The following UBAC2 variants were observed in gnomAD, a reference collection of about 807,000 sequenced individuals.
UBAC2 encodes ubiquitin-associated domain-containing protein 2.
UBAC2 carries 26 observed loss-of-function variants against 44.0 expected under a neutral mutation model. That is an observed-to-expected ratio of 0.59 (90% CI 0.43 to 0.82). The LOEUF is 0.82. UBAC2 is among the 40% of genes least tolerant of loss of function. The pLI, the probability that UBAC2 is intolerant of heterozygous loss-of-function variation, is 0.00. For missense variants in UBAC2, 329 were observed against 419.4 expected, an observed-to-expected ratio of 0.78 and a Z score of 1.88; for synonymous variants, 155 against 154.3, an observed-to-expected ratio of 1.00 and a Z score of -0.04.
intron 4 of UBAC2, among the ~76,000 whole-genome samples, chr13:99,262,783 T>C (rs2043686317): frequency 6.6e-6 from 1 of 150,632 alleles, no homozygotes; most frequent in Non-Finnish European, 1.5e-5. Context: ...GTTATCAGGT[T>C]ATTTAAACAT....
intron 7 of UBAC2, among the ~76,000 whole-genome samples, chr13:99,356,444 T>C (rs1337782276): frequency 6.6e-6 from 1 of 152,234 alleles, no homozygotes; most frequent in African/African-American, 2.4e-5. Flanking sequence ...ACAGGATGTA[T>C]TGTGTCTCCT....
chr13:99,238,042 A>G (rs2043258922), intron 1 of UBAC2, among the ~76,000 whole-genome samples: 1 of 152,248 alleles, frequency 6.6e-6, no homozygotes, highest in Admixed American at 6.5e-5. Flanking sequence ...GAAATTAAAA[A>G]TGTATTTTTA....
intron 6 of UBAC2, among the ~76,000 whole-genome samples, chr13:99,318,982 TACTAAA>T (rs931097007): frequency 1.3e-5 from 2 of 151,710 alleles, no homozygotes; most frequent in African/African-American, 4.8e-5. Context: ...AAGTTGGACT[TACTAAA>T]AATAAGGAGA....
chr13:99,293,305 G>A (rs549872354), intron 4 of UBAC2, among the ~76,000 whole-genome samples: 2 of 152,138 alleles, frequency 1.3e-5, no homozygotes, highest in East Asian at 1.9e-4. Flanking sequence ...GACTCCCTTA[G>A]CCCAGAGAGG....
chr13:99,223,900 G>A (rs1246592604), intron 1 of UBAC2, among the ~76,000 whole-genome samples: 1 of 151,994 alleles, frequency 6.6e-6, no homozygotes, highest in Non-Finnish European at 1.5e-5. Flanking sequence ...TTTATGCCCA[G>A]AATATAGTCT....
intron 6 of UBAC2, among the ~76,000 whole-genome samples, chr13:99,319,251 C>T (rs180887885): frequency 1.0e-3 from 157 of 152,200 alleles, no homozygotes; most frequent in African/African-American, 3.7e-3. Context: ...TATTCTTCAT[C>T]CATGACTTAA....
chr13:99,315,095 G>A (rs923473279), intron 5 of UBAC2, among the ~76,000 whole-genome samples: 1 of 152,070 alleles, frequency 6.6e-6, no homozygotes, highest in Non-Finnish European at 1.5e-5. Context: ...CCAGTCTGCT[G>A]TCATGTGTTA....
At chr13:99,239,764 A>C (rs1375111140) in intron 2 of UBAC2, among the ~76,000 whole-genome samples, 1 of 152,216 alleles carries the variant, frequency 6.6e-6, no homozygotes, top group African/African-American at 2.4e-5. Flanking sequence ...AGAGGCTCTC[A>C]GTGTGTATTC....
intron 7 of UBAC2, among the ~76,000 whole-genome samples, chr13:99,347,080 C>G (rs895591097): frequency 6.6e-6 from 1 of 151,650 alleles, no homozygotes; most frequent in African/African-American, 2.4e-5. Flanking sequence ...GAGTTTGAGA[C>G]CAGCTTGGGC....
In UBAC2 at chr13:99,295,624, C is replaced by A. The variant is rs1282933437; in HGVS notation, c.390-18473C>A. On this transcript the variant is annotated intron_variant, in intron 4 of 8. Coordinates refer to ENST00000403766, the MANE Select transcript of UBAC2 (RefSeq NM_001144072.2). The surrounding 1 kb of genome is among the most constrained non-coding windows in gnomAD (Gnocchi z 4.1). The stretch of plus-strand genomic sequence containing the variant: ...CCATGCATGTAATCCTTTCAGCCTC[C>A]TGCTTTGACATAGGGTTGATGAGGA... 5 of 1,614,020 alleles carry A rather than the reference C, an allele frequency of 3.1e-6. No individual in the cohort carries two copies. Among genetic ancestry groups the A allele is most frequent in the Admixed American group, 1.7e-5 (1 of 59,998 alleles).
intron 6 of UBAC2, among the ~76,000 whole-genome samples, 192 bp downstream of exon 6, chr13:99,318,261 G>A (rs926997360): frequency 1.3e-5 from 2 of 151,904 alleles, no homozygotes; most frequent in Non-Finnish European, 2.9e-5. Context: ...TCTGCCTCCC[G>A]GATTCGAGTG....
intron 4 of UBAC2, among the ~76,000 whole-genome samples, chr13:99,311,504 G>A (rs573145954): frequency 1.3e-5 from 2 of 152,302 alleles, no homozygotes; most frequent in South Asian, 2.1e-4. Flanking sequence ...TTAATCAGTT[G>A]TGCTTGGGTT....
At chr13:99,242,669 G>A (rs1594038171) in intron 2 of UBAC2, among the ~76,000 whole-genome samples, 2 of 1,916 alleles carry the variant, frequency 1.0e-3, no homozygotes, top group Non-Finnish European at 1.6e-3. Flanking sequence ...GGGGCGGCTG[G>A]CCGGGCGGGG....
intron 1 of UBAC2, among the ~76,000 whole-genome samples, chr13:99,229,388 T>C (rs1165919333): frequency 2.0e-5 from 3 of 152,186 alleles, no homozygotes; most frequent in Non-Finnish European, 4.4e-5. Flanking sequence ...CCAAAGGCAT[T>C]GAAACAGAAA....
chr13:99,201,272 CG>C, intron 1 of UBAC2: 2 of 1,446,694 alleles, frequency 1.4e-6, no homozygotes, highest in Non-Finnish European at 1.8e-6. Context: ...CTTTGCGGAG[CG>C]TGTGCCGCGC....
Position 99,235,696 on chromosome 13 carries a change from C to T in UBAC2, c.32-2731C>T, listed in dbSNP as rs554268638. ...CCCTTCAAAAAAATTGTGCTGGGGC[C>T]GGGTGCAGTGGCTCATGCCTATCAT... is the stretch of plus-strand genomic sequence containing the variant. On this transcript the variant is annotated intron_variant, in intron 1 of 8. Coordinates refer to ENST00000403766, the MANE Select transcript of UBAC2 (RefSeq NM_001144072.2). Among the ~76,000 whole-genome samples the T allele has an allele frequency of 1.4e-4, 21 of 152,184 alleles. No individual in the cohort carries two copies. The South Asian group carries it at 3.5e-3, about 26-fold the overall frequency.
Position 99,295,025 on chromosome 13 carries a change from A to G in UBAC2, c.390-19072A>G, listed in dbSNP as rs2044146690. The G allele has an allele frequency of 1.3e-6, 2 of 1,567,220 alleles. No individual in the cohort carries two copies. Among genetic ancestry groups the G allele is most frequent in the African/African-American group, 2.7e-5 (2 of 73,136 alleles). ...GGAAGTCCTGCAAAGTTTGTCATACAGTTTACGTCACTATAAACCAAAATA... is the reference window on the plus strand; with the variant it reads ...GGAAGTCCTGCAAAGTTTGTCATACGGTTTACGTCACTATAAACCAAAATA... On this transcript the variant is annotated intron_variant, in intron 4 of 8. Coordinates refer to ENST00000403766, the MANE Select transcript of UBAC2 (RefSeq NM_001144072.2). This position sits in a 1 kb window ranked among gnomAD's most constrained non-coding sequence, Gnocchi z 4.1.
At chr13:99,201,675 A>G (rs1566443362) in intron 1 of UBAC2, 5 of 1,227,454 alleles carry the variant, frequency 4.1e-6, no homozygotes. Context: ...GCACGGGTAC[A>G]GCAACGGAGA....
rs551670145 is a variant in UBAC2, at chr13:99,372,903, A to G, written c.927+4997A>G. Among the ~76,000 whole-genome samples, 9 of 152,254 alleles carry G rather than the reference A, an allele frequency of 5.9e-5. No individual in the cohort carries two copies. The South Asian group carries it at 1.2e-3, about 21-fold the overall frequency. ...GCTGAGGCGGACGGATCACGAGGTC[A>G]GGAGATCGAGACCATCCCGGCTAGC... On this transcript the variant is annotated intron_variant, in intron 8 of 8. Coordinates refer to ENST00000403766, the MANE Select transcript of UBAC2 (RefSeq NM_001144072.2).
Sources: gnomAD v4.1 joint callset for allele counts (sites outside exome capture counted in the v4.1 genomes callset) on GRCh38, gnomAD v4.1.1 for gene constraint, Gnocchi (gnomAD v3.1) non-coding constraint, MANE v1.5 for transcripts, NCBI Gene and HGNC (gene_info 2026-07-23, HGNC 2026-07-21) for gene names.